SYNE1: variants seen among roughly 807,000 people sequenced by gnomAD.
SYNE1 encodes the protein nesprin-1.
Under a neutral mutation model 1,111.0 loss-of-function variants are expected in SYNE1, and 616 were observed. The ratio of observed to expected loss-of-function variants is 0.55; its 90% CI spans 0.52 to 0.59. The LOEUF (loss-of-function observed/expected upper bound fraction) is 0.59, where lower values mean the gene tolerates loss of function less well. Among genes scored for constraint, SYNE1 ranks in the 20% least tolerant of loss-of-function variants. The pLI is 0.00. For missense variants in SYNE1, 10,006 were observed against 10,417.0 expected (o/e 0.96, Z 1.72); for synonymous variants, 3,855 against 3,825.8 (o/e 1.01, Z -0.28).
rs1328794660 is a variant in SYNE1, at chr6:152,628,303, C to T, written c.29G>A (p.Cys10Tyr). The T allele has an allele frequency of 1.2e-6, 2 of 1,614,082 alleles. No individual in the cohort carries two copies. Among genetic ancestry groups the T allele is most frequent in the African/African-American group, 2.7e-5 (2 of 74,928 alleles). Reference sequence around the variant, plus strand: ...CATCACATTGGCGATATCCCGAGGACACCGGGAGGCCCCTCTGGAGGTTGC... The same window carrying T: ...CATCACATTGGCGATATCCCGAGGATACCGGGAGGCCCCTCTGGAGGTTGC... MATSRGASRCPRDIANVMQR... is the reference protein window; with the variant it reads MATSRGASRYPRDIANVMQR... The change falls in exon 3 of 146, where the codon TGT (cysteine) becomes TAT (tyrosine). Residue 10 changes from cysteine (C) to tyrosine (Y), a missense_variant. Cys to Tyr is a radical substitution (Grantham distance 194, BLOSUM62 -2). Transcript: ENST00000367255.
At chr6:152,353,536 T>C (rs2096778950) in intron 68 of SYNE1, 53 bp downstream of exon 68, 4 of 1,613,988 alleles carry the variant, frequency 2.5e-6, no homozygotes, top group Non-Finnish European at 3.4e-6. Context: ...AGGAAGGCTA[T>C]TTTGGCTGGC....
chr6:152,479,753 A>G (rs1478517388), intron 14 of SYNE1, among the ~76,000 whole-genome samples: 1 of 152,204 alleles, frequency 6.6e-6, no homozygotes, highest in Non-Finnish European at 1.5e-5. Context: ...AGAAAAGATA[A>G]TACAGGTACA....
intron 29 of SYNE1, among the ~76,000 whole-genome samples, chr6:152,446,679 C>T (rs2098595536): frequency 6.6e-6 from 1 of 152,114 alleles, no homozygotes; most frequent in Non-Finnish European, 1.5e-5. Context: ...AATATCTATT[C>T]TACTTTACGT....
intron 124 of SYNE1, among the ~76,000 whole-genome samples, chr6:152,210,951 G>A (rs1416614917): frequency 3.3e-5 from 5 of 152,180 alleles, no homozygotes; most frequent in Non-Finnish European, 5.9e-5. Flanking sequence ...GAATTCTCAT[G>A]GCATGAGAAA....
At chr6:152,376,283 G>C in intron 58 of SYNE1, 98 bp downstream of exon 58, 1 of 1,361,824 alleles carries the variant, frequency 7.3e-7, no homozygotes. Flanking sequence ...CCAGGGACCT[G>C]TACCAGTCCG....
Position 152,255,590 on chromosome 6 carries a change from C to A in SYNE1, c.19260+1G>T. ...ACACAGGCAGGAACTACTAAACCTA[C>A]CTCTTGGTTGAAGAGACAAGTCTCT... On this transcript the variant is annotated splice_donor_variant, in intron 103 of 145. Transcript: ENST00000367255. LOFTEE classifies it high-confidence loss of function. 1.2e-6 allele frequency: 2 copies of A among 1,614,190 alleles called. No homozygotes were observed. Among genetic ancestry groups the A allele is most frequent in the Non-Finnish European group, 1.7e-6 (2 of 1,180,028 alleles).
chr6:152,404,116 T>TATATACAC (rs747022132), intron 46 of SYNE1, 97 bp downstream of exon 46: 32 of 616,852 alleles, frequency 5.2e-5, no homozygotes, highest in Admixed American at 2.6e-4. Context: ...TATATATATA[T>TATATACAC]ACACACACAC....
At chr6:152,506,500 A>G (rs2099058822) in intron 8 of SYNE1, among the ~76,000 whole-genome samples, 1 of 152,074 alleles carries the variant, frequency 6.6e-6, no homozygotes, top group African/African-American at 2.4e-5. Flanking sequence ...ATGCTGATTA[A>G]TATAATAAGT....
At chr6:152,363,041 C>A (rs10080308) in intron 63 of SYNE1, among the ~76,000 whole-genome samples, 23 of 151,174 alleles carry the variant, frequency 1.5e-4, no homozygotes, top group Non-Finnish European at 1.0e-4. Flanking sequence ...CCACCATGCC[C>A]GGCTAATTTT....
intron 11 of SYNE1, among the ~76,000 whole-genome samples, chr6:152,495,377 C>T (rs967357197): frequency 6.6e-6 from 1 of 152,216 alleles, no homozygotes; most frequent in Non-Finnish European, 1.5e-5. Flanking sequence ...TCCCGCTCTA[C>T]CCAGTTGTCC....
chr6:152,487,420 G>A (rs1012535170), intron 12 of SYNE1, among the ~76,000 whole-genome samples: 2 of 152,178 alleles, frequency 1.3e-5, no homozygotes, highest in African/African-American at 4.8e-5. Context: ...TGGTGTATAT[G>A]TACCAGATTT....
chr6:152,281,681 A>C, intron 97 of SYNE1, 126 bp downstream of exon 97: 2 of 991,318 alleles, frequency 2.0e-6, no homozygotes, highest in Non-Finnish European at 3.1e-6. Flanking sequence ...TATTCTTTAA[A>C]TGTATAAAGT....
chr6:152,215,178 T>A, intron 121 of SYNE1, 118 bp from the exon 122 acceptor site: 1 of 1,161,680 alleles, frequency 8.6e-7, no homozygotes, highest in East Asian at 2.4e-5. Flanking sequence ...TAGTGGCCTC[T>A]GCATTTCTAG....
intron 90 of SYNE1, 73 bp downstream of exon 90, chr6:152,309,762 C>T (rs2095492251): frequency 6.3e-7 from 1 of 1,587,804 alleles, no homozygotes; most frequent in East Asian, 2.2e-5. Flanking sequence ...ATGGCTGAGC[C>T]CACACAATGC....
intron 3 of SYNE1, among the ~76,000 whole-genome samples, chr6:152,577,749 C>T (rs977117796): frequency 6.6e-6 from 1 of 151,416 alleles, no homozygotes; most frequent in Non-Finnish European, 1.5e-5. Flanking sequence ...ATCACAACTC[C>T]CCATTATTAC....
In SYNE1 at chr6:152,233,731, G is replaced by A. The variant is rs2083325695; in HGVS notation, c.20712+50C>T. 1.9e-6 allele frequency: 3 copies of A among 1,608,112 alleles called. No individual in the cohort carries two copies. The East Asian group carries it at 6.7e-5, about 36-fold the overall frequency. ...AAAGCAAATTAATGTATTTCTCCAT[G>A]TCAAATAGCTTAAGTCAGCTATTTC... On this transcript the variant is annotated intron_variant, in intron 112 of 145. Transcript: ENST00000367255.
chr6:152,336,148 T>TC (rs1467614613), intron 76 of SYNE1: 1 of 151,670 alleles, frequency 6.6e-6, no homozygotes, highest in African/African-American at 2.4e-5. Flanking sequence ...GTGATGAAAA[T>TC]CTAAAAAAAG....
At chr6:152,265,872 T>C (rs1350230100) in intron 100 of SYNE1, among the ~76,000 whole-genome samples, 1 of 152,186 alleles carries the variant, frequency 6.6e-6, no homozygotes, top group Non-Finnish European at 1.5e-5. Context: ...AGAGGTTTCC[T>C]CACACAAACC....
At position 152,461,756 on chromosome 6, in the gene SYNE1, A is replaced by C; in HGVS notation, c.2251-16T>G. The C allele has an allele frequency of 6.2e-7, 1 of 1,613,868 alleles. No homozygotes were observed. The highest frequency in any genetic ancestry group is 8.5e-7 in the Non-Finnish European group (1 of 1,179,918). On this transcript the variant is annotated splice_polypyrimidine_tract_variant and intron_variant, in intron 20 of 145. Transcript: ENST00000367255. ...GCTCAATATCCTGCATGAATCATTG[A>C]AACAGCCAGATTCATACATGACACA...
Sources: gnomAD v4.1 joint callset for allele counts (sites outside exome capture counted in the v4.1 genomes callset) on GRCh38, gnomAD v4.1.1 for gene constraint, MANE v1.5 for transcripts, NCBI Gene and HGNC (gene_info 2026-07-23, HGNC 2026-07-21) for gene names.